The following CDH20 variants were observed in gnomAD, a reference collection of about 807,000 sequenced individuals.
CDH20 encodes cadherin 20.
In CDH20, 29 loss-of-function variants were observed where a neutral mutation model predicts 74.2. The observed-to-expected ratio is 0.39, with a 90% confidence interval of 0.29 to 0.53. The LOEUF (loss-of-function observed/expected upper bound fraction) is 0.53. Among genes scored for constraint, CDH20 ranks in the 20% least tolerant of loss-of-function variants. CDH20 has a pLI of 0.69. For missense variants in CDH20, 988 were observed against 1,048.3 expected, an observed-to-expected ratio of 0.94 and a Z score of 0.79; for synonymous variants, 469 against 405.4, an observed-to-expected ratio of 1.16 and a Z score of -1.88.
chr18:61,427,903 C>A (rs993576990), intron 1 of CDH20, among the ~76,000 whole-genome samples: 1 of 152,128 alleles, frequency 6.6e-6, no homozygotes, highest in Admixed American at 6.5e-5. Flanking sequence ...TAAAACAATG[C>A]CAGGTTTATG....
rs1910378158 is a variant in CDH20 at position 61,353,496 on chromosome 18, G to A, written c.-153+19669G>A. The stretch of plus-strand genomic sequence containing the variant: ...TCATTTGTCTACTTGTGGTCCTCTT[G>A]TTTTTTCTAGAAGATGATCTGTAAT... On this transcript the variant is annotated intron_variant, in intron 1 of 11. Transcript: ENST00000262717. The surrounding 1 kb of genome is among the most constrained non-coding windows in gnomAD (Gnocchi z 4.6). Among the ~76,000 whole-genome samples the A allele has an allele frequency of 6.6e-6, 1 of 152,138 alleles. No homozygotes were observed. The highest frequency in any genetic ancestry group is 1.5e-5 in the Non-Finnish European group (1 of 68,016).
intron 1 of CDH20, among the ~76,000 whole-genome samples, chr18:61,452,046 A>T (rs549619605): frequency 5.7e-4 from 87 of 152,234 alleles, no homozygotes; most frequent in Non-Finnish European, 1.0e-3. Context: ...GGAAGGACAA[A>T]TACTACTATT....
intron 1 of CDH20, chr18:61,334,393 A>G (rs1322413121): frequency 1.3e-5 from 2 of 152,344 alleles, no homozygotes; most frequent in Non-Finnish European, 2.9e-5. Context: ...TGGGAGGAGA[A>G]TGTGGTGGGT....
chr18:61,350,483 T>C (rs1251664258), intron 1 of CDH20, among the ~76,000 whole-genome samples: 1 of 152,044 alleles, frequency 6.6e-6, no homozygotes, highest in African/African-American at 2.4e-5. Context: ...CCACCCTTAA[T>C]CCAAAGGAAC....
At chr18:61,410,580 G>C (rs1056743659) in intron 1 of CDH20, among the ~76,000 whole-genome samples, 1 of 152,098 alleles carries the variant, frequency 6.6e-6, no homozygotes, top group Non-Finnish European at 1.5e-5. Context: ...ATAATTAAAA[G>C]AGTATATGAT....
intron 1 of CDH20, among the ~76,000 whole-genome samples, chr18:61,459,645 A>T (rs1458261395): frequency 6.6e-6 from 1 of 152,132 alleles, no homozygotes; most frequent in Non-Finnish European, 1.5e-5. Context: ...TCAGAAATGC[A>T]AAAGCTCAGG....
At chr18:61,476,878 A>G (rs1419922382) in intron 1 of CDH20, among the ~76,000 whole-genome samples, 2 of 152,172 alleles carry the variant, frequency 1.3e-5, no homozygotes, top group Non-Finnish European at 2.9e-5. Flanking sequence ...TTAACATAGA[A>G]CTTCCCAAGA....
Position 61,459,066 on chromosome 18 carries a change from T to A in CDH20, c.-152-31336T>A, listed in dbSNP as rs74497546. ...TAGCTCCTAAGTGGAACATTATATC[T>A]ATCAGTCTTAAGTGCTGCTGTGGAT... On this transcript the variant is annotated intron_variant, in intron 1 of 11. Transcript: ENST00000262717. Among the ~76,000 whole-genome samples the A allele has an allele frequency of 9.8e-3, 1,493 of 152,338 alleles. 20 individuals are homozygous for A. Among genetic ancestry groups the A allele is most frequent in the African/African-American group, 0.033 (1,365 of 41,584 alleles).
intron 1 of CDH20, among the ~76,000 whole-genome samples, chr18:61,447,981 C>T (rs944198282): frequency 1.3e-5 from 2 of 152,180 alleles, no homozygotes; most frequent in African/African-American, 4.8e-5. Flanking sequence ...CAAACAAGGA[C>T]TCAATGCTGG....
intron 7 of CDH20, among the ~76,000 whole-genome samples, chr18:61,532,690 G>C (rs1912688833): frequency 6.6e-6 from 1 of 151,954 alleles, no homozygotes; most frequent in Admixed American, 6.6e-5. Context: ...CCACCAAATT[G>C]ATTTCACAAT....
intron 1 of CDH20, among the ~76,000 whole-genome samples, chr18:61,445,490 T>C (rs1030367107): frequency 1.3e-5 from 2 of 152,226 alleles, no homozygotes; most frequent in African/African-American, 4.8e-5. Flanking sequence ...TATTAATTAC[T>C]TCCAAATGTC....
chr18:61,515,463 G>C (rs1911964716), intron 6 of CDH20, among the ~76,000 whole-genome samples: 1 of 152,124 alleles, frequency 6.6e-6, no homozygotes. Context: ...CCCGTCTTCT[G>C]CGTTGCTCAC....
At chr18:61,372,544 C>T (rs892994493) in intron 1 of CDH20, among the ~76,000 whole-genome samples, 4 of 152,054 alleles carry the variant, frequency 2.6e-5, no homozygotes, top group African/African-American at 9.7e-5. Context: ...AGAGGTCAGT[C>T]AACTGTGGCC....
At chr18:61,375,391 T>C (rs1189338357) in intron 1 of CDH20, among the ~76,000 whole-genome samples, 2 of 152,180 alleles carry the variant, frequency 1.3e-5, no homozygotes, top group African/African-American at 2.4e-5. Flanking sequence ...TGGAAATGCC[T>C]GGGAGTGGCT....
intron 6 of CDH20, among the ~76,000 whole-genome samples, chr18:61,508,886 C>G (rs1265242210): frequency 6.6e-6 from 1 of 152,220 alleles, no homozygotes; most frequent in African/African-American, 2.4e-5. Context: ...ATCTGCCCCC[C>G]TCAGCCTCCC....
At chr18:61,343,031 C>T (rs745849268) in intron 1 of CDH20, among the ~76,000 whole-genome samples, 1 of 152,136 alleles carries the variant, frequency 6.6e-6, no homozygotes, top group Non-Finnish European at 1.5e-5. Context: ...TCCACAGTGC[C>T]CCCAAAAGCC....
chr18:61,354,438 T>C (rs752882799), intron 1 of CDH20, among the ~76,000 whole-genome samples: 21 of 152,018 alleles, frequency 1.4e-4, no homozygotes, highest in Non-Finnish European at 2.8e-4. Flanking sequence ...TGAAACCCCA[T>C]CTCTACAAGA....
At chr18:61,495,796 C>T (rs998741376) in intron 2 of CDH20, among the ~76,000 whole-genome samples, 4 of 152,140 alleles carry the variant, frequency 2.6e-5, no homozygotes, top group Non-Finnish European at 5.9e-5. Flanking sequence ...TCCTTCTGGC[C>T]TTTCAGCCCT....
chr18:61,543,831 C>T lies in CDH20; in HGVS notation c.1531-1196C>T, dbSNP rs148167585. On this transcript the variant is annotated intron_variant, in intron 9 of 11. Coordinates refer to ENST00000262717, the MANE Select transcript of CDH20 (RefSeq NM_031891.4). ...GGTCATGGTCATTCTTAAATAGGGG[C>T]TTCTTAAAGACAGCAATTTAGCCCT... 5.6e-4 allele frequency among the ~76,000 whole-genome samples: 86 copies of T among 152,254 alleles called. 1 individual carries two copies. The Middle Eastern group carries it at 0.01, about 18-fold the overall frequency.
Sources: allele counts gnomAD v4.1 joint callset (sites outside exome capture counted in the v4.1 genomes callset), GRCh38; gene constraint gnomAD v4.1.1; non-coding constraint Gnocchi (gnomAD v3.1); transcripts MANE v1.5; gene names NCBI Gene and HGNC (gene_info 2026-07-23, HGNC 2026-07-21).